The following NTN1 variants were observed in gnomAD, a reference collection of about 807,000 sequenced individuals.
The protein encoded by NTN1 is netrin 1.
Under a neutral mutation model 54.2 loss-of-function variants are expected in NTN1, and 11 were observed. The observed-to-expected ratio is 0.20, with a 90% CI of 0.13 to 0.34. NTN1 has a LOEUF of 0.34. NTN1 is among the 10% of genes least tolerant of loss of function. The pLI is 1.00. For synonymous variants in NTN1, 371 were observed against 382.0 expected (o/e 0.97, Z 0.33); for missense variants, 740 against 893.1 (o/e 0.83, Z 2.18).
Position 9,212,618 on chromosome 17 carries a change from AGGGAGAACCAGG to A in NTN1, c.1412-8547_1412-8536del, listed in dbSNP as rs934829829. Among the ~76,000 whole-genome samples, 1 of 152,194 alleles carries A rather than the reference AGGGAGAACCAGG, an allele frequency of 6.6e-6. No individual in the cohort carries two copies. Among genetic ancestry groups the A allele is most frequent in the African/African-American group, 2.4e-5 (1 of 41,436 alleles). ...CCCTTAAACTCTTTCACCCTGGGCC[AGGGAGAACCAGG>A]GGCTCCTCCCCTACGCCCAGCCCTT... On this transcript the variant is annotated intron_variant, in intron 5 of 6. Transcript: ENST00000173229. The surrounding 1 kb of genome is among the most constrained non-coding windows in gnomAD (Gnocchi z 5.5).
intron 6 of NTN1, among the ~76,000 whole-genome samples, chr17:9,231,044 C>T (rs1044848693): frequency 1.3e-5 from 2 of 152,088 alleles, no homozygotes; most frequent in African/African-American, 4.8e-5. Context: ...GGCTAGTCTT[C>T]TCCTGGCTCA....
chr17:9,065,412 T>C (rs1436925004), intron 2 of NTN1, among the ~76,000 whole-genome samples: 2 of 152,230 alleles, frequency 1.3e-5, no homozygotes, highest in Admixed American at 1.3e-4. Context: ...TGCTCTTGGC[T>C]GGTTCTTTCT....
At chr17:9,204,512 C>A (rs914580465) in intron 5 of NTN1, among the ~76,000 whole-genome samples, 1 of 152,182 alleles carries the variant, frequency 6.6e-6, no homozygotes, top group African/African-American at 2.4e-5. Flanking sequence ...CCAGGCTGGT[C>A]TCGAACTCCT....
intron 2 of NTN1, among the ~76,000 whole-genome samples, chr17:9,149,759 C>T (rs1360769058): frequency 6.6e-6 from 1 of 152,070 alleles, no homozygotes. Flanking sequence ...AGGTTTCATG[C>T]AGGGTCTTAT....
intron 2 of NTN1, among the ~76,000 whole-genome samples, chr17:9,148,631 G>A (rs1447686853): frequency 6.6e-6 from 1 of 152,026 alleles, no homozygotes; most frequent in Non-Finnish European, 1.5e-5. Flanking sequence ...GAGTCTAGTC[G>A]GAGAGTGAAT....
intron 2 of NTN1, among the ~76,000 whole-genome samples, chr17:9,056,287 C>A (rs991081710): frequency 2.0e-5 from 3 of 152,202 alleles, no homozygotes; most frequent in Non-Finnish European, 4.4e-5. Context: ...AAACTCCTGA[C>A]CTCAAGTGAT....
chr17:9,099,542 A>C (rs372320244), intron 2 of NTN1, among the ~76,000 whole-genome samples: 7 of 151,940 alleles, frequency 4.6e-5, no homozygotes, highest in African/African-American at 1.7e-4. Context: ...ACCTACCTAT[A>C]TACCTACCTA....
At chr17:9,024,794 C>T (rs555500382) in intron 2 of NTN1, among the ~76,000 whole-genome samples, 5 of 152,164 alleles carry the variant, frequency 3.3e-5, no homozygotes, top group Non-Finnish European at 7.3e-5. Flanking sequence ...TTGTTTGTCC[C>T]CTTTCTTTTA....
chr17:9,238,194 T>C (rs1906058830), intron 6 of NTN1, among the ~76,000 whole-genome samples: 1 of 151,976 alleles, frequency 6.6e-6, no homozygotes, highest in Non-Finnish European at 1.5e-5. Context: ...GGTGGTTCCA[T>C]TGTCTGGAGT....
At chr17:9,223,125 A>G (rs1297476593) in intron 6 of NTN1, among the ~76,000 whole-genome samples, 1 of 152,236 alleles carries the variant, frequency 6.6e-6, no homozygotes, top group African/African-American at 2.4e-5. Context: ...AGCTGTATAC[A>G]TCCCAGGGCA....
At chr17:9,216,063 C>G (rs1905212086) in intron 5 of NTN1, among the ~76,000 whole-genome samples, 1 of 152,202 alleles carries the variant, frequency 6.6e-6, no homozygotes, top group Non-Finnish European at 1.5e-5. Context: ...TGGGCTCAAG[C>G]AATACTCCCA....
chr17:9,190,683 C>G (rs149549456), intron 5 of NTN1, among the ~76,000 whole-genome samples: 1 of 152,112 alleles, frequency 6.6e-6, no homozygotes, highest in East Asian at 1.9e-4. Context: ...GAAACCCCAT[C>G]TCTACTAAAA....
rs1906277230 is a variant in NTN1, at chr17:9,243,078, CCT to C, written c.*3111_*3112del. On this transcript the variant is annotated 3_prime_UTR_variant, in exon 7 of 7. Coordinates refer to ENST00000173229, the MANE Select transcript of NTN1 (RefSeq NM_004822.3). Reference sequence around the variant, plus strand: ...CTTACCAGCTGGGTGGTCTGGTGCCCCTGACAGCTGAGTGCCTGCTTTACGGA... The same window carrying C: ...CTTACCAGCTGGGTGGTCTGGTGCCCGACAGCTGAGTGCCTGCTTTACGGA... The C allele has an allele frequency of 2.6e-5, 4 of 152,358 alleles. No homozygotes were observed. In the South Asian group the frequency reaches 8.3e-4, roughly 32 times the overall value. The allele number at this position is 152,358 out of a possible 1,614,324, so 9.4% of individuals were successfully genotyped here.
In NTN1 at chr17:9,023,010, C is replaced by T. The variant is rs1292174649; in HGVS notation, c.637C>T (p.Leu213Phe). ...CTDSHTDMRP[L>F]SGGLIAFSTL... ...CGACTCGCACACCGACATGCGCCCG[C>T]TCTCGGGCGGCCTCATCGCCTTCAG... The change falls in exon 2 of 7, where the codon CTC (leucine) becomes TTC (phenylalanine). Residue 213 changes from leucine (L) to phenylalanine (F), a missense_variant. Leu to Phe is a conservative substitution (Grantham distance 22, BLOSUM62 0). Transcript: ENST00000173229. 3.1e-6 allele frequency: 5 copies of T among 1,606,102 alleles called. No homozygotes were observed. The highest frequency in any genetic ancestry group is 4.2e-6 in the Non-Finnish European group (5 of 1,177,428).
At chr17:9,143,900 T>TC (rs1317394779) in intron 2 of NTN1, among the ~76,000 whole-genome samples, 4 of 146,268 alleles carry the variant, frequency 2.7e-5, no homozygotes, top group African/African-American at 9.9e-5. Flanking sequence ...TTTACCTGCT[T>TC]TTTTTTTTTT....
intron 2 of NTN1, among the ~76,000 whole-genome samples, chr17:9,116,072 C>T (rs1880647): frequency 0.35 from 53,771 of 152,092 alleles, 10,233 homozygotes; most frequent in East Asian, 0.72. Flanking sequence ...CTGTGGGTGT[C>T]GTCATCTTGC....
intron 2 of NTN1, 36 bp downstream of exon 2, chr17:9,023,427 G>A (rs1259048968): frequency 7.4e-7 from 1 of 1,344,566 alleles, no homozygotes; most frequent in Admixed American, 3.9e-5. Flanking sequence ...GGCGGCGGGT[G>A]GGGCCGCGGG....
intron 2 of NTN1, among the ~76,000 whole-genome samples, chr17:9,161,952 T>A (rs2092358166): frequency 9.1e-6 from 1 of 110,144 alleles, no homozygotes; most frequent in African/African-American, 3.3e-5. Context: ...CTGGAAATAC[T>A]GATTTGGGAG....
chr17:9,012,790 G>A, the NTN1 span, among the ~76,000 whole-genome samples: 1 of 152,156 alleles, frequency 6.6e-6, no homozygotes, highest in Non-Finnish European at 1.5e-5. Flanking sequence ...GCTATTGTCT[G>A]GGTCAGCTCA....
Sources: allele counts gnomAD v4.1 joint callset (sites outside exome capture counted in the v4.1 genomes callset), GRCh38; gene constraint gnomAD v4.1.1; non-coding constraint Gnocchi (gnomAD v3.1); transcripts MANE v1.5; gene names NCBI Gene and HGNC (gene_info 2026-07-23, HGNC 2026-07-21).